Variants in SNRPC observed in about 807,000 individuals in gnomAD.
SNRPC encodes the protein U1 small nuclear ribonucleoprotein C.
SNRPC carries 5 observed loss-of-function variants against 20.0 expected under a neutral mutation model. The ratio of observed to expected loss-of-function variants is 0.25; its 90% CI spans 0.13 to 0.53. The LOEUF (loss-of-function observed/expected upper bound fraction) is 0.53, where lower values mean the gene tolerates loss of function less well. SNRPC is among the 20% of genes least tolerant of loss of function. The pLI is 0.96. For synonymous variants in SNRPC, 61 were observed against 58.7 expected, an observed-to-expected ratio of 1.04 and a Z score of -0.18; for missense variants, 112 against 224.1, an observed-to-expected ratio of 0.50 and a Z score of 3.19.
Position 34,767,892 on chromosome 6 carries a change from T to TTACTAAC in SNRPC, c.161-16_161-15insTACTAAC. On this transcript the variant is annotated splice_polypyrimidine_tract_variant and intron_variant, in intron 3 of 5. Coordinates refer to ENST00000244520, the MANE Select transcript of SNRPC (RefSeq NM_003093.3). The stretch of plus-strand genomic sequence containing the variant: ...TTATTCATCTTTTTTTTTTTTTTTT[T>TTACTAAC]CCTCACCCTCCAAAGCGGCTGCATT... 1 of 1,472,704 alleles carries TTACTAAC rather than the reference T, an allele frequency of 6.8e-7. No individual in the cohort carries two copies. Among genetic ancestry groups the TTACTAAC allele is most frequent in the Non-Finnish European group, 8.9e-7 (1 of 1,128,100 alleles). 91.2% of individuals were successfully genotyped at this position (1,472,704 alleles called of 1,614,324 possible).
chr6:34,769,136 C>T (rs1025967732), intron 4 of SNRPC, among the ~76,000 whole-genome samples: 6 of 152,116 alleles, frequency 3.9e-5, no homozygotes, highest in African/African-American at 1.4e-4. Context: ...CCTTCTCTAC[C>T]TTGACTGGCT....
In SNRPC at chr6:34,762,617, G is replaced by A; in HGVS notation, c.74G>A (p.Cys25Tyr). The A allele has an allele frequency of 6.3e-7, 1 of 1,590,846 alleles. No homozygotes were observed. The highest frequency in any genetic ancestry group is 8.6e-7 in the Non-Finnish European group (1 of 1,158,774). The change falls in exon 3 of 6, where the codon TGC (cysteine) becomes TAC (tyrosine). Residue 25 changes from cysteine (C) to tyrosine (Y), a missense_variant. Around this residue, in one of 3 missense-constraint regions of SNRPC, gnomAD observed 10 missense variants for 54.5 expected, o/e 0.18. Transcript: ENST00000244520. Reference sequence around the variant, plus strand: ...CAGCCATCTGTGAGAAAGACACACTGCAGTGGAAGGAAACACAAAGAGAAT... The same window carrying A: ...CAGCCATCTGTGAGAAAGACACACTACAGTGGAAGGAAACACAAAGAGAAT... ...HDSPSVRKTH[C>Y]SGRKHKENVK...
chr6:34,765,820 C>CCT (rs1764606213), intron 3 of SNRPC, among the ~76,000 whole-genome samples: 2 of 152,148 alleles, frequency 1.3e-5, no homozygotes, highest in African/African-American at 4.8e-5. Context: ...CTCACTGCAG[C>CCT]CTCAAATTTC....
chr6:34,769,714 GT>G (rs1764662488), intron 4 of SNRPC, among the ~76,000 whole-genome samples: 1 of 151,848 alleles, frequency 6.6e-6, no homozygotes, highest in South Asian at 2.1e-4. Context: ...CCCTTGTTTT[GT>G]TTTTTTAAAT....
chr6:34,757,894 C>T lies in SNRPC; in HGVS notation c.9-18C>T, dbSNP rs1190210921. The T allele has an allele frequency of 6.2e-7, 1 of 1,613,680 alleles. No homozygotes were observed. The highest frequency in any genetic ancestry group is 1.7e-5 in the Admixed American group (1 of 60,002). On this transcript the variant is annotated intron_variant, in intron 1 of 5. Transcript: ENST00000244520. Reference sequence around the variant, plus strand: ...TCAGTGGTTGTCGTCTTTTTCTCTTCCTTTCACCTCTTTTCAGGTTTTATT... The same window carrying T: ...TCAGTGGTTGTCGTCTTTTTCTCTTTCTTTCACCTCTTTTCAGGTTTTATT...
chr6:34,757,685 GA>G, intron 1 of SNRPC, 134 bp downstream of exon 1: 1 of 1,364,394 alleles, frequency 7.3e-7, no homozygotes, highest in Non-Finnish European at 1.0e-6. Flanking sequence ...CGGAGGCAGG[GA>G]GATGGAGAGC....
chr6:34,763,714 T>A (rs1764572543), intron 3 of SNRPC, among the ~76,000 whole-genome samples: 1 of 150,574 alleles, frequency 6.6e-6, no homozygotes, highest in Non-Finnish European at 1.5e-5. Flanking sequence ...TATTTTTTAT[T>A]TATTTTTATT....
rs199764165 is a variant in SNRPC at position 34,767,936 on chromosome 6, T to C, written c.189T>C (p.Pro63=). ...TTAAFQQGKI[P]PTPFSAPPPA... ...CTGCATTTCAACAAGGAAAGATACCTCCTACTCCATTCTCTGCTCCTCCTC... is the reference window on the plus strand; with the variant it reads ...CTGCATTTCAACAAGGAAAGATACCCCCTACTCCATTCTCTGCTCCTCCTC... Residue 63 remains proline, a synonymous_variant, in exon 4 of 6, where the codon CCT becomes CCC. Transcript: ENST00000244520. 4.4e-6 allele frequency: 7 copies of C among 1,598,664 alleles called. No homozygotes were observed. Among genetic ancestry groups the C allele is most frequent in the Admixed American group, 1.7e-5 (1 of 58,596 alleles).
At chr6:34,758,046 C>T in intron 2 of SNRPC, 92 bp downstream of exon 2, 1 of 1,363,636 alleles carries the variant, frequency 7.3e-7, no homozygotes, top group Non-Finnish European at 1.0e-6. Flanking sequence ...GTTGTGCTTT[C>T]CCACCTGCTG....
At chr6:34,759,210 A>G (rs915098488) in intron 2 of SNRPC, among the ~76,000 whole-genome samples, 1 of 152,194 alleles carries the variant, frequency 6.6e-6, no homozygotes, top group African/African-American at 2.4e-5. Context: ...CTCTCCTTGA[A>G]GTGACAGGCT....
At chr6:34,765,270 T>C (rs745603656) in intron 3 of SNRPC, among the ~76,000 whole-genome samples, 35 of 152,142 alleles carry the variant, frequency 2.3e-4, no homozygotes, top group Non-Finnish European at 4.4e-4. Context: ...ACTAAAAATA[T>C]CTCCAGGCAT....
chr6:34,765,560 C>T (rs567798172), intron 3 of SNRPC, among the ~76,000 whole-genome samples: 1 of 152,152 alleles, frequency 6.6e-6, no homozygotes, highest in East Asian at 1.9e-4. Context: ...CCTCAGCCTC[C>T]CGAGTAGCTG....
chr6:34,772,725 A>T (rs754623926), intron 5 of SNRPC, among the ~76,000 whole-genome samples: 3 of 152,146 alleles, frequency 2.0e-5, no homozygotes, highest in Non-Finnish European at 2.9e-5. Context: ...GAAGTAGAAC[A>T]TTATCAATTC....
intron 2 of SNRPC, 60 bp from the exon 3 acceptor site, chr6:34,762,533 TTA>T: frequency 2.3e-6 from 2 of 870,372 alleles, no homozygotes; most frequent in Non-Finnish European, 3.8e-6. Flanking sequence ...AGGTAAAACT[TTA>T]TTAAATTTTT....
chr6:34,759,019 CAAAAAAAAAAAAAAAAA>C (rs755576537), intron 2 of SNRPC, among the ~76,000 whole-genome samples: 5 of 24,644 alleles, frequency 2.0e-4, no homozygotes, highest in Non-Finnish European at 4.7e-4. Context: ...GACTCCGTCT[CAAAAAAAAAAAAAAAAA>C]AAAAAAAAAG....
Position 34,773,514 on chromosome 6 carries a change from C to T in SNRPC, c.424C>T (p.Pro142Ser). 3 of 1,613,752 alleles carry T rather than the reference C, an allele frequency of 1.9e-6. No homozygotes were observed. The highest frequency in any genetic ancestry group is 1.7e-6 in the Non-Finnish European group (2 of 1,179,838). Residue 142 changes from proline (P) to serine (S), a missense_variant, in exon 6 of 6, where the codon CCT becomes TCT. This residue lies in a region of SNRPC where 57 missense variants were observed against 121.0 expected (regional missense o/e 0.47). Coordinates refer to ENST00000244520, the MANE Select transcript of SNRPC (RefSeq NM_003093.3). The surrounding 1 kb of genome is among the most constrained non-coding windows in gnomAD (Gnocchi z 4.1). ...MMPGPPMMRP[P>S]ARPMMVPTRP... ...GCCTGGGCCCCCAATGATGAGACCT[C>T]CTGCCCGTCCCATGATGGTGCCCAC... is the stretch of plus-strand genomic sequence containing the variant.
chr6:34,758,263 C>CA (rs1218430304), intron 2 of SNRPC, among the ~76,000 whole-genome samples: 1 of 150,890 alleles, frequency 6.6e-6, no homozygotes, highest in African/African-American at 2.4e-5. Context: ...GACAACAAAA[C>CA]AAAAAAAGCT....
At chr6:34,757,629 G>T in intron 1 of SNRPC, 78 bp downstream of exon 1, 1 of 1,511,274 alleles carries the variant, frequency 6.6e-7, no homozygotes, top group Non-Finnish European at 9.2e-7. Flanking sequence ...AGCGGGTTCT[G>T]GTTTCTGAAA....
chr6:34,769,949 G>A (rs576360800), intron 4 of SNRPC, among the ~76,000 whole-genome samples: 1 of 152,206 alleles, frequency 6.6e-6, no homozygotes, highest in Non-Finnish European at 1.5e-5. Flanking sequence ...GTTGCTGGGC[G>A]CAGTGGCTCA....
Sources: gnomAD v4.1 joint callset for allele counts (sites outside exome capture counted in the v4.1 genomes callset) on GRCh38, gnomAD v4.1.1 for gene constraint, gnomAD v4.1.1 regional missense constraint, Gnocchi (gnomAD v3.1) non-coding constraint, MANE v1.5 for transcripts, NCBI Gene and HGNC (gene_info 2026-07-23, HGNC 2026-07-21) for gene names.